Variants in SETX observed in about 807,000 individuals in gnomAD.
SETX encodes helicase senataxin.
A neutral mutation model predicts 227.2 loss-of-function variants in SETX; 90 were observed. The ratio of observed to expected loss-of-function variants is 0.40; its 90% CI spans 0.33 to 0.47. SETX has a LOEUF of 0.47. SETX is among the 20% of genes least tolerant of loss of function. The probability of loss-of-function intolerance (pLI) is 0.91; values close to 1 mark genes in which losing one functional copy is unlikely to be tolerated. For missense variants in SETX, 3,052 were observed against 3,181.5 expected (o/e 0.96, Z 0.98); for synonymous variants, 1,210 against 1,113.2 (o/e 1.09, Z -1.73).
At chr9:132,314,437 T>C (rs1297970616) in intron 10 of SETX, among the ~76,000 whole-genome samples, 1 of 152,108 alleles carries the variant, frequency 6.6e-6, no homozygotes, top group Non-Finnish European at 1.5e-5. Flanking sequence ...GCTGGCCAGC[T>C]GGTCTCAAAC....
In SETX at chr9:132,269,670, G is replaced by C; in HGVS notation, c.7232C>G (p.Thr2411Ser). ...FLASLQRLNV[T>S]ITRAKYSLFI... ...GAGGCTGTACTTGGCTCGTGTGATG[G>C]TGACATTCAATCTCTGCAAACTTGC... The change falls in exon 25 of 26, where the codon ACC becomes AGC. Residue 2411 changes from threonine (T) to serine (S), a missense_variant. Transcript: ENST00000224140. The C allele has an allele frequency of 6.2e-7, 1 of 1,614,206 alleles. No individual in the cohort carries two copies. The highest frequency in any genetic ancestry group is 8.5e-7 in the Non-Finnish European group (1 of 1,180,006).
At chr9:132,295,714 T>C (rs1844628419) in intron 15 of SETX, among the ~76,000 whole-genome samples, 158 bp downstream of exon 15, 1 of 152,126 alleles carries the variant, frequency 6.6e-6, no homozygotes, top group South Asian at 2.1e-4. Flanking sequence ...TGGCACAGGG[T>C]AAATGTTCAA....
At position 132,349,279 on chromosome 9, in the gene SETX, T is replaced by C. The variant is rs775464539; in HGVS notation, c.150A>G (p.Ala50=). Residue 50 remains alanine, a synonymous_variant, in exon 3 of 26, where the codon GCA becomes GCG. Transcript: ENST00000224140. ...CATGCAAGAATGGCAATTCATCTCT[T>C]GCTTTGTGGTACTCAGCCACACACT... ...CLECVAEYHK[A]RDELPFLHEV... 6.2e-7 allele frequency: 1 copy of C among 1,614,178 alleles called. No individual in the cohort carries two copies. The highest frequency in any genetic ancestry group is 1.1e-5 in the South Asian group (1 of 91,084).
intron 3 of SETX, among the ~76,000 whole-genome samples, chr9:132,347,343 C>T (rs1848348600): frequency 6.6e-6 from 1 of 151,760 alleles, no homozygotes; most frequent in Non-Finnish European, 1.5e-5. Context: ...GAGACAGAAT[C>T]TCGCTGTCGC....
rs138911514 is a variant in SETX at position 132,290,558 on chromosome 9, G to C, written c.6107-1907C>G. On this transcript the variant is annotated intron_variant, in intron 15 of 25. Coordinates refer to ENST00000224140, the MANE Select transcript of SETX (RefSeq NM_015046.7). ...CCACTGTACTCTGGCCTGGGAGACA[G>C]AGCGAGACTCCGTCTCAAAAAAAAA... Among the ~76,000 whole-genome samples the C allele has an allele frequency of 6.6e-3, 844 of 128,722 alleles. 13 individuals are homozygous for C. Among genetic ancestry groups the C allele is most frequent in the African/African-American group, 0.024 (789 of 32,878 alleles). 84.4% of individuals were successfully genotyped at this position (128,722 alleles called of 152,430 possible).
At chr9:132,276,742 C>A (rs1843183639) in intron 22 of SETX, among the ~76,000 whole-genome samples, 2 of 152,162 alleles carry the variant, frequency 1.3e-5, no homozygotes, top group African/African-American at 4.8e-5. Flanking sequence ...CAGTACTTAA[C>A]CCAACTGGAA....
chr9:132,292,505 T>TA lies in SETX; in HGVS notation c.6106+3366dup, dbSNP rs781320757. Among the ~76,000 whole-genome samples the TA allele has an allele frequency of 1.4e-3, 217 of 150,898 alleles. 3 individuals are homozygous for TA. Among genetic ancestry groups the TA allele is most frequent in the South Asian group, 1.0e-3 (5 of 4,800 alleles). ...GCAAATAGAAATTTACTTATTCTGT[T>TA]AAAAAAAAGACAACAAATAAAGACA... On this transcript the variant is annotated intron_variant, in intron 15 of 25. Coordinates refer to ENST00000224140, the MANE Select transcript of SETX (RefSeq NM_015046.7).
chr9:132,327,992 A>G lies in SETX; in HGVS notation c.3606T>C (p.Asp1202=). The G allele has an allele frequency of 1.9e-6, 3 of 1,613,848 alleles. No homozygotes were observed. Among genetic ancestry groups the G allele is most frequent in the Non-Finnish European group, 2.5e-6 (3 of 1,179,940 alleles). ...GTGAATTGGGAGTTGAAGTCCTTCT[A>G]TCAATACTTTTAAAATCATTTCCCA... ...DLVGNDFKSI[D]RRTSTPNSRI... The change falls in exon 10 of 26, where the codon GAT becomes GAC. Residue 1202 remains aspartate (D), a synonymous_variant. Coordinates refer to ENST00000224140, the MANE Select transcript of SETX (RefSeq NM_015046.7).
intron 11 of SETX, among the ~76,000 whole-genome samples, chr9:132,306,447 G>C (rs1319827172): frequency 6.6e-6 from 1 of 152,146 alleles, no homozygotes; most frequent in African/African-American, 2.4e-5. Context: ...CCCGACCTCA[G>C]GTGATCCACC....
rs184465834 is a variant in SETX at position 132,314,466 on chromosome 9, T to C, written c.5275-2610A>G. On this transcript the variant is annotated intron_variant, in intron 10 of 25. Coordinates refer to ENST00000224140, the MANE Select transcript of SETX (RefSeq NM_015046.7). ...CTCAAACTCCTGACCTGAGGTGATC[T>C]ACCCACCTCGGCCTCCCAAAGTGCT... Among the ~76,000 whole-genome samples, 327 of 151,204 alleles carry C rather than the reference T, an allele frequency of 2.2e-3. 4 individuals carry two copies. Among genetic ancestry groups the C allele is most frequent in the African/African-American group, 7.7e-3 (319 of 41,204 alleles).
intron 10 of SETX, among the ~76,000 whole-genome samples, chr9:132,325,096 C>T (rs1034525952): frequency 3.3e-5 from 5 of 152,220 alleles, no homozygotes; most frequent in African/African-American, 4.8e-5. Context: ...GTGGCTCACG[C>T]CTGTAATCCC....
chr9:132,355,983 T>C (rs1848891334), upstream of SETX, among the ~76,000 whole-genome samples: 1 of 81,016 alleles, frequency 1.2e-5, no homozygotes, highest in African/African-American at 4.8e-5. Context: ...CGAGACTCTC[T>C]CTCCGGAAAA....
At chr9:132,332,329 A>G (rs1384160220) in intron 7 of SETX, among the ~76,000 whole-genome samples, 2 of 152,168 alleles carry the variant, frequency 1.3e-5, no homozygotes, top group Non-Finnish European at 1.5e-5. Flanking sequence ...TCCATCCTTA[A>G]AAGTCCAGCT....
At position 132,329,964 on chromosome 9, in the gene SETX, T is replaced by G. The variant is rs776333015; in HGVS notation, c.1634A>C (p.Glu545Ala). 20 of 1,614,190 alleles carry G rather than the reference T, an allele frequency of 1.2e-5. No individual in the cohort carries two copies. The highest frequency in any genetic ancestry group is 1.7e-5 in the Non-Finnish European group (20 of 1,180,008). ...YVQLIRSLLK[E>A]GYQLGQQSLC... The stretch of plus-strand genomic sequence containing the variant: ...AGACTGCTGCCCAAGCTGATAACCT[T>G]CTTTAAGGAGACTTCTAATCAGCTG... The change falls in exon 10 of 26, where the codon GAA (glutamate) becomes GCA (alanine). Residue 545 changes from glutamate to alanine, a missense_variant. Around this residue, in one of 10 missense-constraint regions of SETX, gnomAD observed 179 missense variants for 197.1 expected, o/e 0.91. Transcript: ENST00000224140.
chr9:132,271,566 C>T lies in SETX; in HGVS notation c.7199+144G>A, dbSNP rs575117695. 22 of 741,610 alleles carry T rather than the reference C, an allele frequency of 3.0e-5. No homozygotes were observed. The East Asian group carries it at 5.4e-4, about 18-fold the overall frequency. The allele number at this position is 741,610 out of a possible 1,614,324, so 45.9% of individuals were successfully genotyped here. On this transcript the variant is annotated intron_variant, in intron 24 of 25. Coordinates refer to ENST00000224140, the MANE Select transcript of SETX (RefSeq NM_015046.7). ...TCTATTTCACAACTTAAAAGAGAAACTTTCATAGTATTACACAGGTTTTCA... is the reference window on the plus strand; with the variant it reads ...TCTATTTCACAACTTAAAAGAGAAATTTTCATAGTATTACACAGGTTTTCA...
intron 15 of SETX, among the ~76,000 whole-genome samples, chr9:132,291,697 A>T (rs1161298771): frequency 6.6e-6 from 1 of 152,204 alleles, no homozygotes. Context: ...TAAGGGAGCA[A>T]GGCTGGGCAG....
Position 132,336,301 on chromosome 9 carries a change from C to G in SETX, c.713G>C (p.Trp238Ser). 1 of 1,609,884 alleles carries G rather than the reference C, an allele frequency of 6.2e-7. No individual in the cohort carries two copies. Among genetic ancestry groups the G allele is most frequent in the South Asian group, 1.1e-5 (1 of 90,976 alleles). Residue 238 changes from tryptophan (W) to serine (S), a missense_variant, in exon 6 of 26, where the codon TGG becomes TCG. Physicochemically the swap from Trp to Ser is radical, Grantham distance 177 (BLOSUM62 -3). This residue lies in a region of SETX where 239 missense variants were observed against 240.8 expected (regional missense o/e 0.99). Transcript: ENST00000224140. ...AGTGTAGGAATAATACTCACCTAACCAATAGCTTTTGTAGTTGGTAGTATC... is the reference window on the plus strand; with the variant it reads ...AGTGTAGGAATAATACTCACCTAACGAATAGCTTTTGTAGTTGGTAGTATC... ...MYDTTNYKSY[W>S]LGICMLLTIL...
At chr9:132,307,656 T>G (rs1230680327) in intron 11 of SETX, among the ~76,000 whole-genome samples, 3 of 151,356 alleles carry the variant, frequency 2.0e-5, no homozygotes, top group Non-Finnish European at 4.4e-5. Context: ...AGCTTACCAG[T>G]CACCACTGGC....
At chr9:132,318,702 A>C (rs1846147720) in intron 10 of SETX, among the ~76,000 whole-genome samples, 2 of 152,314 alleles carry the variant, frequency 1.3e-5, no homozygotes, top group South Asian at 2.1e-4. Flanking sequence ...ACTGTTAGTT[A>C]TTCCTCACAG....
Sources: gnomAD v4.1 joint callset for allele counts (sites outside exome capture counted in the v4.1 genomes callset) on GRCh38, gnomAD v4.1.1 for gene constraint, gnomAD v4.1.1 regional missense constraint, MANE v1.5 for transcripts, NCBI Gene and HGNC (gene_info 2026-07-23, HGNC 2026-07-21) for gene names.